The following MYO18B variants were observed in gnomAD, a reference collection of about 807,000 sequenced individuals.
MYO18B encodes myosin XVIIIB.
Under a neutral mutation model 273.0 loss-of-function variants are expected in MYO18B, and 204 were observed. The observed-to-expected ratio is 0.75, with a 90% confidence interval of 0.67 to 0.84. MYO18B has a LOEUF of 0.84. MYO18B is among the 40% of genes least tolerant of loss of function. MYO18B has a pLI of 0.00. For synonymous variants in MYO18B, 1,330 were observed against 1,305.7 expected, an observed-to-expected ratio of 1.02 and a Z score of -0.40; for missense variants, 3,212 against 3,287.6, an observed-to-expected ratio of 0.98 and a Z score of 0.56.
chr22:25,843,811 G>A lies in MYO18B; in HGVS notation c.3285G>A (p.Arg1095=). ...IFHQLGWDPV[R]YDLTGWLHRA... ...ACCAGTTGGGATGGGACCCTGTGCG[G>A]TACGACCTCACGGGCTGGCTCCACA... Residue 1095 remains arginine, a synonymous_variant, in exon 18 of 44, where the codon CGG becomes CGA. Transcript: ENST00000335473. The A allele has an allele frequency of 6.2e-7, 1 of 1,613,896 alleles. No individual in the cohort carries two copies. Among genetic ancestry groups the A allele is most frequent in the Non-Finnish European group, 8.5e-7 (1 of 1,179,782 alleles).
chr22:25,848,528 C>T (rs2090326958), intron 20 of MYO18B, among the ~76,000 whole-genome samples: 2 of 152,144 alleles, frequency 1.3e-5, no homozygotes. Flanking sequence ...CATCCACCAG[C>T]GCAGGCTGGG....
intron 22 of MYO18B, among the ~76,000 whole-genome samples, chr22:25,871,553 C>T (rs555118934): frequency 1.1e-4 from 16 of 152,200 alleles, no homozygotes; most frequent in East Asian, 5.8e-4. Context: ...AAACAGTTTG[C>T]GTGGTTTTGT....
chr22:25,993,553 C>T (rs989432684), intron 40 of MYO18B, among the ~76,000 whole-genome samples: 8 of 152,176 alleles, frequency 5.3e-5, no homozygotes, highest in Non-Finnish European at 1.2e-4. Flanking sequence ...TGGAATGCAT[C>T]CCTCTTTGTT....
At chr22:26,015,222 T>C (rs538384546) in intron 42 of MYO18B, among the ~76,000 whole-genome samples, 144 of 152,332 alleles carry the variant, frequency 9.5e-4, no homozygotes, top group African/African-American at 3.2e-3. Context: ...CCATCTTGAC[T>C]ATTGTAGAAA....
chr22:25,851,759 T>C (rs2146048581), intron 21 of MYO18B, among the ~76,000 whole-genome samples, 180 bp downstream of exon 21: 1 of 152,276 alleles, frequency 6.6e-6, no homozygotes, highest in Middle Eastern at 3.4e-3. Context: ...AATATGACTT[T>C]GACTAAGGTC....
intron 3 of MYO18B, among the ~76,000 whole-genome samples, chr22:25,766,086 G>A (rs2086495873): frequency 6.6e-6 from 1 of 151,972 alleles, no homozygotes; most frequent in Non-Finnish European, 1.5e-5. Flanking sequence ...AGGAGTTAAG[G>A]TTTTTAAAAG....
intron 19 of MYO18B, among the ~76,000 whole-genome samples, chr22:25,846,847 C>T (rs934440899): frequency 2.6e-5 from 4 of 152,122 alleles, no homozygotes; most frequent in Non-Finnish European, 5.9e-5. Context: ...TTTGGGAGGC[C>T]AAGGCGGGCA....
the MYO18B span, among the ~76,000 whole-genome samples, chr22:26,056,915 C>T: frequency 3.3e-5 from 5 of 152,234 alleles, no homozygotes; most frequent in African/African-American, 4.8e-5. Context: ...CATTTTAAGT[C>T]GGTAATTGGC....
At chr22:25,960,708 CTATCTT>C (rs1456672948) in intron 39 of MYO18B, among the ~76,000 whole-genome samples, 2 of 152,026 alleles carry the variant, frequency 1.3e-5, no homozygotes, top group Non-Finnish European at 2.9e-5. Context: ...TTTGCTCACT[CTATCTT>C]TATTTAAGCA....
At chr22:25,795,410 G>A (rs1283243803) in intron 11 of MYO18B, among the ~76,000 whole-genome samples, 1 of 152,176 alleles carries the variant, frequency 6.6e-6, no homozygotes, top group Non-Finnish European at 1.5e-5. Flanking sequence ...GAGGGGACAA[G>A]GAAGAGAAAG....
chr22:25,796,778 T>C (rs1386543617), intron 11 of MYO18B, among the ~76,000 whole-genome samples: 2 of 152,194 alleles, frequency 1.3e-5, no homozygotes, highest in African/African-American at 2.4e-5. Flanking sequence ...TGTTATGAGC[T>C]CAGGAATATC....
intron 12 of MYO18B, among the ~76,000 whole-genome samples, chr22:25,818,554 G>A (rs1218120343): frequency 6.6e-6 from 1 of 152,158 alleles, no homozygotes; most frequent in Non-Finnish European, 1.5e-5. Context: ...CTCAACACTC[G>A]ATGGCTTGAG....
At chr22:25,775,436 C>T (rs929855402) in intron 7 of MYO18B, among the ~76,000 whole-genome samples, 7 of 152,334 alleles carry the variant, frequency 4.6e-5, no homozygotes, top group Non-Finnish European at 8.8e-5. Flanking sequence ...CAGATGGGGC[C>T]TTGCCGGACC....
chr22:25,869,606 T>G (rs1203061491), intron 22 of MYO18B, among the ~76,000 whole-genome samples: 2 of 152,142 alleles, frequency 1.3e-5, no homozygotes, highest in Non-Finnish European at 2.9e-5. Flanking sequence ...GAAAACTTTG[T>G]CAATGGCCTT....
At chr22:25,828,122 C>T (rs1459749729) in intron 14 of MYO18B, among the ~76,000 whole-genome samples, 1 of 152,182 alleles carries the variant, frequency 6.6e-6, no homozygotes, top group Non-Finnish European at 1.5e-5. Context: ...CTTTCACAGC[C>T]ATGGAAGCTT....
At chr22:26,062,879 G>A in the MYO18B span, among the ~76,000 whole-genome samples, 332 of 152,288 alleles carry the variant, frequency 2.2e-3, no homozygotes, top group African/African-American at 7.9e-3. Flanking sequence ...GGGCTTGAAC[G>A]GGAGAAGACA....
chr22:26,002,155 G>A (rs1234258580), intron 40 of MYO18B, among the ~76,000 whole-genome samples: 2 of 152,098 alleles, frequency 1.3e-5, no homozygotes, highest in African/African-American at 4.8e-5. Context: ...CTTTAAAAGG[G>A]CTAGATAGTA....
At chr22:26,049,224 G>T in the MYO18B span, among the ~76,000 whole-genome samples, 12 of 152,340 alleles carry the variant, frequency 7.9e-5, no homozygotes, top group Admixed American at 7.2e-4. Flanking sequence ...GTTCATCTGA[G>T]ATGCAATGGC....
At chr22:25,847,392 T>G in intron 19 of MYO18B, 38 bp from the exon 20 acceptor site, 17 of 1,507,640 alleles carry the variant, frequency 1.1e-5, no homozygotes, top group Non-Finnish European at 1.4e-5. Context: ...TGTGTCTCTG[T>G]GAGACAACTG....
Sources: gnomAD v4.1 joint callset for allele counts (sites outside exome capture counted in the v4.1 genomes callset) on GRCh38, gnomAD v4.1.1 for gene constraint, MANE v1.5 for transcripts, NCBI Gene and HGNC (gene_info 2026-07-23, HGNC 2026-07-21) for gene names.